The following HSPA12B variants were observed in gnomAD, a reference collection of about 807,000 sequenced individuals.
HSPA12B encodes heat shock protein family A (Hsp70) member 12B.
Under a neutral mutation model 69.3 loss-of-function variants are expected in HSPA12B, and 54 were observed. The observed-to-expected ratio is 0.78, with a 90% CI of 0.63 to 0.98. The LOEUF (loss-of-function observed/expected upper bound fraction) is 0.98. Among genes scored for constraint, HSPA12B ranks in the 50% least tolerant of loss-of-function variants. The pLI, the probability that HSPA12B is intolerant of heterozygous loss-of-function variation, is 0.00. For missense variants in HSPA12B, 929 were observed against 999.8 expected (o/e 0.93, Z 0.96); for synonymous variants, 441 against 436.5 (o/e 1.01, Z -0.13).
At position 3,752,041 on chromosome 20, in the gene HSPA12B, G is replaced by A; in HGVS notation, c.1936G>A (p.Ala646Thr). The A allele has an allele frequency of 6.5e-7, 1 of 1,549,802 alleles. No individual in the cohort carries two copies. The change falls in exon 13 of 13, where the codon GCG becomes ACG. Residue 646 changes from alanine to threonine, a missense_variant. Ala to Thr is a moderately conservative substitution (Grantham distance 58). Transcript: ENST00000254963. Reference sequence around the variant, plus strand: ...CGACTGCGGCCAGGACACCGCCGGCGCGCCTCCCGGCCGCCGCGAGATCCG... The same window carrying A: ...CGACTGCGGCCAGGACACCGCCGGCACGCCTCCCGGCCGCCGCGAGATCCG... Reference protein sequence around the residue: ...PADCGQDTAGAPPGRREIRAA... With the variant: ...PADCGQDTAGTPPGRREIRAA...
chr20:3,748,962 A>G (rs1291864046), intron 8 of HSPA12B, among the ~76,000 whole-genome samples: 1 of 152,156 alleles, frequency 6.6e-6, no homozygotes, highest in Non-Finnish European at 1.5e-5. Context: ...CCGCTCCTCC[A>G]AACCCCTCTA....
chr20:3,740,891 C>G lies in HSPA12B; in HGVS notation c.120C>G (p.Pro40=), dbSNP rs115145502. ...CCCAGGAAAGCTGCGGCATTGCCCC[C>G]CTCACACCCTCGCAGTCTCCAGTAA... ...PRTQESCGIA[P]LTPSQSPKPE... is the part of the protein sequence containing the mutation. The change falls in exon 3 of 13, where the codon CCC becomes CCG. Residue 40 remains proline (P), a synonymous_variant. Coordinates refer to ENST00000254963, the MANE Select transcript of HSPA12B (RefSeq NM_052970.5). This position sits in a 1 kb window ranked among gnomAD's most constrained non-coding sequence, Gnocchi z 4.9. 4 of 1,613,186 alleles carry G rather than the reference C, an allele frequency of 2.5e-6. No individual in the cohort carries two copies. Among genetic ancestry groups the G allele is most frequent in the Non-Finnish European group, 8.5e-7 (1 of 1,179,702 alleles).
In HSPA12B at chr20:3,752,263, C is replaced by A. The variant is rs1284794685; in HGVS notation, c.*97C>A. The A allele has an allele frequency of 4.2e-6, 5 of 1,195,942 alleles. No homozygotes were observed. Among genetic ancestry groups the A allele is most frequent in the Non-Finnish European group, 4.4e-6 (4 of 904,164 alleles). The allele number at this position is 1,195,942 out of a possible 1,614,324, so 74.1% of individuals were successfully genotyped here. ...GGTTGGGGCGGGGGAAACGATAGTT[C>A]TGCAGTCTGCGCCTTTCCACGCCCT... On this transcript the variant is annotated 3_prime_UTR_variant, in exon 13 of 13. Transcript: ENST00000254963.
rs374110537 is a variant in HSPA12B at position 3,749,896 on chromosome 20, G to A, written c.1042+42G>A. 3.9e-6 allele frequency: 6 copies of A among 1,540,246 alleles called. No individual in the cohort carries two copies. Among genetic ancestry groups the A allele is most frequent in the Admixed American group, 2.0e-5 (1 of 49,450 alleles). Reference sequence around the variant, plus strand: ...CGCCCCGGTACCCAGCGCGACCCGGGCTCCGGCCCCGCCACTGCCCCCTGG... The same window carrying A: ...CGCCCCGGTACCCAGCGCGACCCGGACTCCGGCCCCGCCACTGCCCCCTGG... On this transcript the variant is annotated intron_variant, in intron 10 of 12. Coordinates refer to ENST00000254963, the MANE Select transcript of HSPA12B (RefSeq NM_052970.5). The surrounding 1 kb of genome is among the most constrained non-coding windows in gnomAD (Gnocchi z 5.5).
At chr20:3,750,535 T>A in intron 11 of HSPA12B, 2 of 374,196 alleles carry the variant, frequency 5.3e-6, no homozygotes, top group Non-Finnish European at 7.4e-6. Context: ...CCCATGCTCC[T>A]CGGTTTCCCT....
At chr20:3,748,046 G>C (rs962758616) in intron 7 of HSPA12B, among the ~76,000 whole-genome samples, 171 bp from the exon 8 acceptor site, 2 of 152,264 alleles carry the variant, frequency 1.3e-5, no homozygotes, top group Non-Finnish European at 2.9e-5. Context: ...GCGTGGCTAT[G>C]AGGCAGCTCC....
At chr20:3,750,547 C>A (rs2088399108) in intron 11 of HSPA12B, 2 of 504,892 alleles carry the variant, frequency 4.0e-6, no homozygotes, top group Non-Finnish European at 5.1e-6. Context: ...GGTTTCCCTG[C>A]ACCAAAGCAA....
intron 4 of HSPA12B, 134 bp downstream of exon 4, chr20:3,742,542 G>A (rs1000407158): frequency 4.5e-5 from 30 of 672,582 alleles, no homozygotes; most frequent in Non-Finnish European, 6.8e-5. Context: ...GCTCCCCACT[G>A]GGGTAAAAGT....
At chr20:3,746,066 C>A in intron 7 of HSPA12B, 35 bp downstream of exon 7, 2 of 1,486,196 alleles carry the variant, frequency 1.3e-6, no homozygotes, top group South Asian at 1.1e-5. Flanking sequence ...GAACACTGCT[C>A]AGGAAGGGCC....
Position 3,749,893 on chromosome 20 carries a change from C to A in HSPA12B, c.1042+39C>A. The A allele has an allele frequency of 1.9e-6, 3 of 1,539,682 alleles. No individual in the cohort carries two copies. The highest frequency in any genetic ancestry group is 2.4e-5 in the East Asian group (1 of 41,918). On this transcript the variant is annotated intron_variant, in intron 10 of 12. Coordinates refer to ENST00000254963, the MANE Select transcript of HSPA12B (RefSeq NM_052970.5). The surrounding 1 kb of genome is among the most constrained non-coding windows in gnomAD (Gnocchi z 5.5). The stretch of plus-strand genomic sequence containing the variant: ...CGGCGCCCCGGTACCCAGCGCGACC[C>A]GGGCTCCGGCCCCGCCACTGCCCCC...
At chr20:3,738,111 C>T (rs569130098) in intron 1 of HSPA12B, among the ~76,000 whole-genome samples, 59 of 152,344 alleles carry the variant, frequency 3.9e-4, no homozygotes, top group African/African-American at 1.4e-3. Flanking sequence ...AAATAGGGTG[C>T]ACAGGCCCTG....
chr20:3,734,259 C>T (rs1276950128), intron 1 of HSPA12B, among the ~76,000 whole-genome samples: 2 of 152,116 alleles, frequency 1.3e-5, no homozygotes, highest in Non-Finnish European at 2.9e-5. Context: ...TTGTGAGTTC[C>T]TGCTGGGCCA....
chr20:3,749,468 AC>A lies in HSPA12B; in HGVS notation c.937+154del, dbSNP rs2088369049. 2.7e-6 allele frequency: 2 copies of A among 739,490 alleles called. No homozygotes were observed. The highest frequency in any genetic ancestry group is 2.4e-5 in the Admixed American group (1 of 41,326). The allele number at this position is 739,490 out of a possible 1,614,324, so 45.8% of individuals were successfully genotyped here. A position where few individuals can be genotyped will look rare whatever the true frequency, so the allele number is the denominator to read the frequency against. On this transcript the variant is annotated intron_variant, in intron 9 of 12. Transcript: ENST00000254963. The surrounding 1 kb of genome is among the most constrained non-coding windows in gnomAD (Gnocchi z 5.5). ...TCCCCTCACAGTCACCCGCACCCCC[AC>A]CCCACTCACAGCGGCGCCCCTAACT...
At position 3,750,036 on chromosome 20, in the gene HSPA12B, G is replaced by C. The variant is rs2088384389; in HGVS notation, c.1110G>C (p.Glu370Asp). 1.2e-6 allele frequency: 2 copies of C among 1,605,206 alleles called. No individual in the cohort carries two copies. Among genetic ancestry groups the C allele is most frequent in the South Asian group, 2.2e-5 (2 of 89,710 alleles). ...FEQLLCRIFG[E>D]DFIATFKRQR... Reference sequence around the variant, plus strand: ...AGCTGCTGTGCCGCATCTTCGGCGAGGACTTCATCGCCACCTTCAAAAGGC... The same window carrying C: ...AGCTGCTGTGCCGCATCTTCGGCGACGACTTCATCGCCACCTTCAAAAGGC... The change falls in exon 11 of 13, where the codon GAG (glutamate) becomes GAC (aspartate). Residue 370 changes from glutamate (E) to aspartate (D), a missense_variant. Physicochemically the swap from Glu to Asp is conservative, Grantham distance 45. This residue lies in a region of HSPA12B where 477 missense variants were observed against 535.2 expected (regional missense o/e 0.89). Coordinates refer to ENST00000254963, the MANE Select transcript of HSPA12B (RefSeq NM_052970.5).
Position 3,745,588 on chromosome 20 carries a change from C to A in HSPA12B, c.549C>A (p.His183Gln), listed in dbSNP as rs1451235859. The A allele has an allele frequency of 1.9e-6, 3 of 1,613,802 alleles. No individual in the cohort carries two copies. The highest frequency in any genetic ancestry group is 3.3e-5 in the Admixed American group (2 of 60,006). ...FAHALRFFRE[H>Q]ALQELREQSP... ...ATGCCCTGCGCTTCTTCAGGGAGCACGCCCTTCAGGTGCGCTGCGGCCCCA... is the reference window on the plus strand; with the variant it reads ...ATGCCCTGCGCTTCTTCAGGGAGCAAGCCCTTCAGGTGCGCTGCGGCCCCA... Residue 183 changes from histidine (H) to glutamine (Q), a missense_variant, in exon 6 of 13, where the codon CAC (histidine) becomes CAA (glutamine). Physicochemically the swap from His to Gln is conservative, Grantham distance 24. This residue lies in a region of HSPA12B where 477 missense variants were observed against 535.2 expected (regional missense o/e 0.89). Coordinates refer to ENST00000254963, the MANE Select transcript of HSPA12B (RefSeq NM_052970.5). The surrounding 1 kb of genome is among the most constrained non-coding windows in gnomAD (Gnocchi z 5.6).
At chr20:3,733,083 T>A (rs1450879469) in intron 1 of HSPA12B, among the ~76,000 whole-genome samples, 1 of 152,156 alleles carries the variant, frequency 6.6e-6, no homozygotes, top group African/African-American at 2.4e-5. Flanking sequence ...GCAGGACTGG[T>A]GTGGGCTGGG....
intron 12 of HSPA12B, among the ~76,000 whole-genome samples, 169 bp downstream of exon 12, chr20:3,751,076 G>A (rs1193614354): frequency 6.6e-6 from 1 of 152,222 alleles, no homozygotes; most frequent in East Asian, 1.9e-4. Flanking sequence ...AAGAGCTAGA[G>A]GGTTGATATG....
rs2088427606 is a variant in HSPA12B at position 3,751,769 on chromosome 20, G to A, written c.1664G>A (p.Arg555His). Reference sequence around the variant, plus strand: ...GTGCTCAACCGCTTTGTGCCTGGGCGCCACCCGCCCGAAAAGCTGCTGGTT... The same window carrying A: ...GTGCTCAACCGCTTTGTGCCTGGGCACCACCCGCCCGAAAAGCTGCTGGTT... ...VGVLNRFVPG[R>H]HPPEKLLVRD... Residue 555 changes from arginine (R) to histidine (H), a missense_variant, in exon 13 of 13, where the codon CGC becomes CAC. Physicochemically the swap from Arg to His is conservative, Grantham distance 29. Coordinates refer to ENST00000254963, the MANE Select transcript of HSPA12B (RefSeq NM_052970.5). 4.6e-6 allele frequency: 7 copies of A among 1,525,512 alleles called. No homozygotes were observed. The South Asian group carries it at 7.3e-5, about 16-fold the overall frequency. 94.5% of individuals were successfully genotyped at this position (1,525,512 alleles called of 1,614,324 possible).
At chr20:3,750,968 TC>T (rs913043484) in intron 12 of HSPA12B, 61 bp downstream of exon 12, 15 of 1,406,910 alleles carry the variant, frequency 1.1e-5, no homozygotes, top group East Asian at 6.8e-5. Context: ...GCAGAATAAT[TC>T]CCCCCCATCA....
Sources: allele counts gnomAD v4.1 joint callset (sites outside exome capture counted in the v4.1 genomes callset), GRCh38; gene constraint gnomAD v4.1.1; regional missense constraint gnomAD v4.1.1; non-coding constraint Gnocchi (gnomAD v3.1); transcripts MANE v1.5; gene names NCBI Gene and HGNC (gene_info 2026-07-23, HGNC 2026-07-21).